GSE1: variants seen among roughly 807,000 people sequenced by gnomAD.
The protein encoded by GSE1 is Gse1 coiled-coil protein.
Under a neutral mutation model 112.6 loss-of-function variants are expected in GSE1, and 32 were observed. The observed-to-expected ratio is 0.28, with a 90% CI of 0.21 to 0.38. GSE1 has a LOEUF of 0.38. GSE1 is among the 10% of genes least tolerant of loss of function. The pLI is 1.00. For missense variants in GSE1, 2,348 were observed against 1,699.2 expected (o/e 1.38, Z -6.71); for synonymous variants, 1,115 against 735.6 (o/e 1.52, Z -8.35).
At chr16:85,346,732 G>A (rs1056808281) in intron 1 of GSE1, among the ~76,000 whole-genome samples, 3 of 151,834 alleles carry the variant, frequency 2.0e-5, no homozygotes, top group Non-Finnish European at 4.4e-5. Flanking sequence ...GTGGGTGGAT[G>A]GTGGACAGGT....
chr16:85,659,233 G>A (rs576217288), intron 8 of GSE1: 4 of 152,336 alleles, frequency 2.6e-5, no homozygotes, highest in Non-Finnish European at 5.9e-5. Flanking sequence ...CAGGGCTCCC[G>A]GGGCAGGCTA....
In GSE1 at chr16:85,400,677, CTGTG is replaced by C. The variant is rs570263063; in HGVS notation, c.2464+43038_2464+43041del. On this transcript the variant is annotated intron_variant, in intron 2 of 2. Transcript: ENST00000637419. Reference sequence around the variant, plus strand: ...GTGTCTGTGTATGTTGCGTGTGTCTCTGTGTGTTTTTGTGTGTTTGTATGTGTTG... The same window carrying C: ...GTGTCTGTGTATGTTGCGTGTGTCTCTGTTTTTGTGTGTTTGTATGTGTTG... Among the ~76,000 whole-genome samples, 586 of 149,748 alleles carry C rather than the reference CTGTG, an allele frequency of 3.9e-3. 2 individuals carry two copies. The highest frequency in any genetic ancestry group is 6.1e-3 in the Non-Finnish European group (415 of 67,592).
rs775797275 is a variant in GSE1 at position 85,273,833 on chromosome 16, G to A, written c.2284-83630G>A. On this transcript the variant is annotated intron_variant, in intron 1 of 2. Transcript: ENST00000637419. ...GACTCCCAAGTAGCTGGGATTACAG[G>A]TACCTGCCACGACACTCGGCTAATT... 2.0e-5 allele frequency among the ~76,000 whole-genome samples: 3 copies of A among 151,512 alleles called. No individual in the cohort carries two copies. In the East Asian group the frequency reaches 5.8e-4, roughly 29 times the overall value.
At chr16:85,660,520 TC>T (rs1395828216) in intron 8 of GSE1, among the ~76,000 whole-genome samples, 1 of 152,062 alleles carries the variant, frequency 6.6e-6, no homozygotes, top group East Asian at 2.0e-4. Flanking sequence ...ACGCCTGTAA[TC>T]CCAGCTACTC....
At position 85,619,534 on chromosome 16, in the gene GSE1, CG is replaced by C. The variant is rs890174823; in HGVS notation, c.7+6139del. On this transcript the variant is annotated intron_variant, in intron 1 of 15. Coordinates refer to ENST00000253458, the MANE Select transcript of GSE1 (RefSeq NM_014615.5). ...CCAAGCGATGCCCCACAGCCCCAGA[CG>C]GGCCTGGAGGGACGGCAGGCGCTCT... 1.4e-4 allele frequency among the ~76,000 whole-genome samples: 22 copies of C among 152,336 alleles called. No individual in the cohort carries two copies. The East Asian group carries it at 4.3e-3, about 29-fold the overall frequency.
At chr16:85,317,769 G>T (rs149477904) in intron 1 of GSE1, among the ~76,000 whole-genome samples, 1 of 152,186 alleles carries the variant, frequency 6.6e-6, no homozygotes, top group Non-Finnish European at 1.5e-5. Flanking sequence ...CTGCCCACCA[G>T]TGTATCCAGC....
At chr16:85,243,854 C>T (rs1014575733) in intron 1 of GSE1, among the ~76,000 whole-genome samples, 11 of 152,276 alleles carry the variant, frequency 7.2e-5, no homozygotes, top group African/African-American at 2.2e-4. Flanking sequence ...TGGCCAGGCA[C>T]GGTGGCTCAC....
At chr16:85,548,998 A>C (rs2151229433) in intron 2 of GSE1, among the ~76,000 whole-genome samples, 1 of 152,280 alleles carries the variant, frequency 6.6e-6, no homozygotes, top group African/African-American at 2.4e-5. Flanking sequence ...CCATTTGGCC[A>C]GGATGGTCTT....
rs1479277388 is a variant in GSE1 at position 85,648,588 on chromosome 16, C to T, written c.263C>T (p.Ser88Phe). 1.2e-6 allele frequency: 2 copies of T among 1,603,922 alleles called. No individual in the cohort carries two copies. The highest frequency in any genetic ancestry group is 1.7e-6 in the Non-Finnish European group (2 of 1,175,120). Residue 88 changes from serine to phenylalanine, a missense_variant, in exon 3 of 16, where the codon TCT (serine) becomes TTT (phenylalanine). Ser to Phe is a radical substitution (Grantham distance 155). Transcript: ENST00000253458. ...SLSSESSPVSSPATNHSSPAS... is the reference protein window; with the variant it reads ...SLSSESSPVSFPATNHSSPAS... Reference sequence around the variant, plus strand: ...AGCAGCGAGTCGTCCCCCGTGTCCTCTCCGGCCACCAACCACAGCTCCCCC... The same window carrying T: ...AGCAGCGAGTCGTCCCCCGTGTCCTTTCCGGCCACCAACCACAGCTCCCCC...
At position 85,484,487 on chromosome 16, in the gene GSE1, C is replaced by T. The variant is rs1010856432; in HGVS notation, c.2464+126844C>T. Among the ~76,000 whole-genome samples, 22 of 152,372 alleles carry T rather than the reference C, an allele frequency of 1.4e-4. No individual in the cohort carries two copies. In the East Asian group the frequency reaches 3.1e-3, roughly 21 times the overall value. ...TAATACAGGGCAGGGTGTACACAGC[C>T]GTGGCGGAAACCACAGAAGTGGCCC... is the stretch of plus-strand genomic sequence containing the variant. On this transcript the variant is annotated intron_variant, in intron 2 of 2. Coordinates refer to the GSE1 transcript ENST00000637419.
At chr16:85,241,532 T>G (rs941329160) in intron 1 of GSE1, among the ~76,000 whole-genome samples, 1 of 152,148 alleles carries the variant, frequency 6.6e-6, no homozygotes, top group African/African-American at 2.4e-5. Context: ...TGGTTAAACC[T>G]TTACCTCACA....
chr16:85,325,655 T>C (rs1172347810), intron 1 of GSE1, among the ~76,000 whole-genome samples: 1 of 152,132 alleles, frequency 6.6e-6, no homozygotes, highest in Non-Finnish European at 1.5e-5. Flanking sequence ...TTTCACCACG[T>C]TGGCCATGCT....
Position 85,376,714 on chromosome 16 carries a change from C to T in GSE1, c.2464+19071C>T, listed in dbSNP as rs571619836. Among the ~76,000 whole-genome samples the T allele has an allele frequency of 2.0e-5, 3 of 152,310 alleles. No individual in the cohort carries two copies. The East Asian group carries it at 5.8e-4, about 29-fold the overall frequency. On this transcript the variant is annotated intron_variant, in intron 2 of 2. Transcript: ENST00000637419. ...CCTCACCCTTCAGCACAGGCCCTGC[C>T]AAGCCACAGGTGCCTCTGCTGCACA...
At chr16:85,474,154 C>T (rs903776035) in intron 2 of GSE1, among the ~76,000 whole-genome samples, 1 of 152,106 alleles carries the variant, frequency 6.6e-6, no homozygotes, top group Admixed American at 6.5e-5. Flanking sequence ...CTGGCTCCTG[C>T]ACCAGTCCAG....
At chr16:85,235,702 C>T (rs1191959209) in intron 1 of GSE1, among the ~76,000 whole-genome samples, 1 of 151,236 alleles carries the variant, frequency 6.6e-6, no homozygotes, top group African/African-American at 2.4e-5. Flanking sequence ...CATTGGGTGG[C>T]GTTCTGGCCC....
chr16:85,207,526 A>G (rs1039512645), intron 1 of GSE1, among the ~76,000 whole-genome samples: 1 of 150,970 alleles, frequency 6.6e-6, no homozygotes, highest in African/African-American at 2.4e-5. Context: ...AGGGTCATTC[A>G]GAGGCCCCTG....
intron 2 of GSE1, among the ~76,000 whole-genome samples, chr16:85,637,544 C>T (rs544868849): frequency 6.6e-5 from 10 of 152,230 alleles, no homozygotes; most frequent in Admixed American, 3.3e-4. Context: ...CCCCCTTGAT[C>T]GCGGCAGTGG....
chr16:85,208,796 G>A (rs991476758), intron 1 of GSE1, among the ~76,000 whole-genome samples: 3 of 151,384 alleles, frequency 2.0e-5, no homozygotes, highest in Non-Finnish European at 2.9e-5. Context: ...GTTGGGGTTC[G>A]CCTGTGTTGG....
At chr16:85,649,479 G>T (rs1228145587) in intron 3 of GSE1, among the ~76,000 whole-genome samples, 5 of 152,342 alleles carry the variant, frequency 3.3e-5, no homozygotes, top group African/African-American at 1.2e-4. Context: ...CCCAGCGGAG[G>T]CCCCTCCCCA....
Sources: gnomAD v4.1 joint callset for allele counts (sites outside exome capture counted in the v4.1 genomes callset) on GRCh38, gnomAD v4.1.1 for gene constraint, MANE v1.5 for transcripts, NCBI Gene and HGNC (gene_info 2026-07-23, HGNC 2026-07-21) for gene names.